SPAG16: variants seen among roughly 807,000 people sequenced by gnomAD.
SPAG16 encodes sperm associated antigen 16.
In SPAG16, 86 loss-of-function variants were observed where a neutral mutation model predicts 80.4. The ratio of observed to expected loss-of-function variants is 1.07; its 90% CI spans 0.90 to 1.28. SPAG16 has a LOEUF of 1.28. SPAG16 is among the 50% of genes most tolerant of loss of function. The pLI, the probability that SPAG16 is intolerant of heterozygous loss-of-function variation, is 0.00. For missense variants in SPAG16, 870 were observed against 765.3 expected (o/e 1.14, Z -1.61); for synonymous variants, 294 against 265.9 (o/e 1.11, Z -1.03).
intron 9 of SPAG16, among the ~76,000 whole-genome samples, chr2:213,377,901 ATATTTT>A (rs1487914313): frequency 1.2e-4 from 3 of 24,854 alleles, no homozygotes; most frequent in African/African-American, 1.4e-4. Flanking sequence ...ATATATATAT[ATATTTT>A]TTTTTTTTTT....
chr2:213,439,528 G>A (rs1323277048), intron 9 of SPAG16, among the ~76,000 whole-genome samples: 1 of 152,206 alleles, frequency 6.6e-6, no homozygotes, highest in African/African-American at 2.4e-5. Flanking sequence ...AGCAGAACTT[G>A]TAAATGATGA....
At chr2:213,764,123 A>G (rs1365716759) in intron 10 of SPAG16, among the ~76,000 whole-genome samples, 3 of 152,198 alleles carry the variant, frequency 2.0e-5, no homozygotes, top group African/African-American at 7.2e-5. Context: ...TGAGTTAATT[A>G]AGTTATTCAG....
chr2:213,385,163 G>T (rs184688130), intron 9 of SPAG16, among the ~76,000 whole-genome samples: 117 of 152,218 alleles, frequency 7.7e-4, no homozygotes, highest in Middle Eastern at 3.4e-3. Context: ...TATCTCATGG[G>T]ATTTTTGGCC....
At chr2:214,323,086 T>G (rs1456897969) in intron 15 of SPAG16, among the ~76,000 whole-genome samples, 1 of 152,236 alleles carries the variant, frequency 6.6e-6, no homozygotes, top group Non-Finnish European at 1.5e-5. Context: ...TACTGCTGTT[T>G]CTTGATTATT....
At chr2:214,409,243 T>C (rs566341657) in intron 15 of SPAG16, among the ~76,000 whole-genome samples, 7 of 151,966 alleles carry the variant, frequency 4.6e-5, no homozygotes, top group Admixed American at 6.6e-5. Flanking sequence ...TTTTAAATGT[T>C]ATTACTGAAA....
intron 10 of SPAG16, among the ~76,000 whole-genome samples, chr2:213,715,266 A>ATCTATCTATCTATCTATCTATCTATCTG (rs3076744): frequency 4.6e-4 from 69 of 151,060 alleles, no homozygotes; most frequent in South Asian, 8.4e-4. Context: ...CTATCTATCT[A>ATCTATCTATCTATCTATCTATCTATCTG]TCCATTCATC....
At chr2:214,076,598 A>G (rs1559763543) in intron 13 of SPAG16, among the ~76,000 whole-genome samples, 3 of 151,776 alleles carry the variant, frequency 2.0e-5, no homozygotes, top group Non-Finnish European at 4.4e-5. Context: ...TACAATAAAA[A>G]GAGCACAGCC....
chr2:214,321,547 T>G (rs896368292), intron 15 of SPAG16, among the ~76,000 whole-genome samples: 13 of 152,230 alleles, frequency 8.5e-5, no homozygotes, highest in Non-Finnish European at 1.2e-4. Flanking sequence ...ACAATTGCTC[T>G]ATTCCCCAAA....
chr2:214,104,397 C>T (rs1013588552), intron 13 of SPAG16, among the ~76,000 whole-genome samples: 1 of 151,796 alleles, frequency 6.6e-6, no homozygotes, highest in Admixed American at 6.6e-5. Context: ...GCTCTAGTGG[C>T]GGTGAAGGGG....
intron 9 of SPAG16, among the ~76,000 whole-genome samples, chr2:213,390,904 G>A (rs2067714864): frequency 6.6e-6 from 1 of 152,030 alleles, no homozygotes. Context: ...TTCTCATAAG[G>A]TATGAATGAG....
intron 10 of SPAG16, among the ~76,000 whole-genome samples, chr2:213,550,020 T>C (rs1050554814): frequency 1.3e-5 from 2 of 152,114 alleles, no homozygotes; most frequent in African/African-American, 4.8e-5. Context: ...ATAGTTGTAT[T>C]TGACAAAAAG....
chr2:213,644,991 G>A (rs1475325405), intron 10 of SPAG16, among the ~76,000 whole-genome samples: 3 of 152,222 alleles, frequency 2.0e-5, no homozygotes, highest in Non-Finnish European at 4.4e-5. Flanking sequence ...CTGTCCAGGA[G>A]TCTGGGACTA....
chr2:213,665,696 A>C (rs954633767), intron 10 of SPAG16, among the ~76,000 whole-genome samples: 1 of 152,308 alleles, frequency 6.6e-6, no homozygotes, highest in East Asian at 1.9e-4. Context: ...TTATTTTTAA[A>C]GATGCCTTAT....
intron 10 of SPAG16, among the ~76,000 whole-genome samples, chr2:213,605,580 C>T (rs2061230269): frequency 6.6e-6 from 1 of 152,140 alleles, no homozygotes; most frequent in African/African-American, 2.4e-5. Flanking sequence ...ACCTCCACCT[C>T]CTGGGTTCAA....
intron 4 of SPAG16, among the ~76,000 whole-genome samples, chr2:213,314,472 GAGA>G (rs2063323477): frequency 6.6e-6 from 1 of 151,804 alleles, no homozygotes; most frequent in African/African-American, 2.4e-5. Context: ...AGATTTTATT[GAGA>G]AGTATACTTC....
intron 15 of SPAG16, among the ~76,000 whole-genome samples, chr2:214,295,014 G>A (rs535360752): frequency 2.2e-4 from 33 of 152,282 alleles, no homozygotes; most frequent in African/African-American, 7.2e-4. Context: ...CTCTAGCCAC[G>A]GTCACAGTGC....
intron 10 of SPAG16, among the ~76,000 whole-genome samples, chr2:213,584,735 C>A (rs931132194): frequency 4.6e-5 from 7 of 152,102 alleles, no homozygotes; most frequent in African/African-American, 1.7e-4. Flanking sequence ...GGAACTTAAC[C>A]ATTTCTAAAA....
chr2:213,614,271 C>A (rs1249204469), intron 10 of SPAG16, among the ~76,000 whole-genome samples: 1 of 152,196 alleles, frequency 6.6e-6, no homozygotes, highest in African/African-American at 2.4e-5. Context: ...TTTCCAACAA[C>A]TGATTTTTGT....
At chr2:214,290,385 C>T (rs540737121) in intron 15 of SPAG16, among the ~76,000 whole-genome samples, 1 of 133,418 alleles carries the variant, frequency 7.5e-6, no homozygotes, top group East Asian at 2.6e-4. Flanking sequence ...GAGCTCTGAT[C>T]TGATATTTAC....
Sources: allele counts gnomAD v4.1 joint callset (sites outside exome capture counted in the v4.1 genomes callset), GRCh38; gene constraint gnomAD v4.1.1; transcripts MANE v1.5; gene names NCBI Gene and HGNC (gene_info 2026-07-23, HGNC 2026-07-21).